The following RARB variants were observed in gnomAD, a reference collection of about 807,000 sequenced individuals.
RARB encodes HBV-activated protein.
RARB carries 17 observed loss-of-function variants against 51.9 expected under a neutral mutation model. The observed-to-expected ratio is 0.33, with a 90% confidence interval of 0.22 to 0.49. The LOEUF is 0.49. Among genes scored for constraint, RARB ranks in the 20% least tolerant of loss-of-function variants. The pLI, the probability that RARB is intolerant of heterozygous loss-of-function variation, is 0.99. For missense variants in RARB, 369 were observed against 550.8 expected (o/e 0.67, Z 3.30); for synonymous variants, 215 against 195.4 (o/e 1.10, Z -0.84).
intron 3 of RARB, among the ~76,000 whole-genome samples, chr3:25,077,336 G>GA (rs1203346027): frequency 2.0e-5 from 3 of 152,098 alleles, no homozygotes; most frequent in African/African-American, 7.2e-5. Context: ...CCTCTGGATG[G>GA]AAGGTTCTCT....
chr3:25,098,989 G>A (rs183529561), intron 3 of RARB, among the ~76,000 whole-genome samples: 2 of 152,278 alleles, frequency 1.3e-5, no homozygotes, highest in East Asian at 3.9e-4. Flanking sequence ...TTGAGTGGCT[G>A]TAGTATCAAC....
intron 5 of RARB, among the ~76,000 whole-genome samples, chr3:25,255,409 G>C (rs553643678): frequency 1.3e-5 from 2 of 152,210 alleles, no homozygotes; most frequent in South Asian, 4.2e-4. Flanking sequence ...TATCTGCTTT[G>C]TGTCACTTTT....
chr3:25,309,387 C>T (rs1423270349), intron 5 of RARB, among the ~76,000 whole-genome samples: 1 of 150,858 alleles, frequency 6.6e-6, no homozygotes, highest in African/African-American at 2.4e-5. Flanking sequence ...GATCCACCTG[C>T]CTTGGCTTCC....
chr3:25,175,931 C>A (rs1448008306), intron 5 of RARB, among the ~76,000 whole-genome samples: 1 of 152,114 alleles, frequency 6.6e-6, no homozygotes, highest in Non-Finnish European at 1.5e-5. Context: ...ATCTTGCTGA[C>A]CCAAGTGCTG....
At chr3:25,530,855 A>G (rs139035290) in intron 3 of RARB, among the ~76,000 whole-genome samples, 4 of 152,360 alleles carry the variant, frequency 2.6e-5, no homozygotes, top group Non-Finnish European at 5.9e-5. Flanking sequence ...AAGAACTAAA[A>G]AAATTATCCA....
chr3:25,026,745 C>T lies in RARB; in HGVS notation c.-379-33380C>T, dbSNP rs537458037. Among the ~76,000 whole-genome samples the T allele has an allele frequency of 1.7e-4, 26 of 152,270 alleles. No homozygotes were observed. The East Asian group carries it at 3.5e-3, about 20-fold the overall frequency. ...GTATCTCTATGGAGAGAAAAAAATA[C>T]TATTTGTAGCATTTGCCCAATTTTT... On this transcript the variant is annotated intron_variant, in intron 2 of 11. Coordinates refer to the RARB transcript ENST00000383772.
chr3:25,307,575 C>G (rs995412032), intron 5 of RARB, among the ~76,000 whole-genome samples: 1 of 152,084 alleles, frequency 6.6e-6, no homozygotes, highest in African/African-American at 2.4e-5. Flanking sequence ...TCTTCATTTC[C>G]TCCTTTGTAT....
At chr3:25,016,851 C>T (rs761187706) in intron 2 of RARB, among the ~76,000 whole-genome samples, 52 of 152,114 alleles carry the variant, frequency 3.4e-4, no homozygotes, top group Admixed American at 1.0e-3. Flanking sequence ...GAACAAACAC[C>T]GGTAAAAGCT....
At chr3:24,842,676 G>A (rs555523052) in intron 1 of RARB, among the ~76,000 whole-genome samples, 6 of 152,178 alleles carry the variant, frequency 3.9e-5, no homozygotes, top group Admixed American at 3.3e-4. Context: ...CCTCTCTTCA[G>A]TTCAGAGCCC....
intron 1 of RARB, among the ~76,000 whole-genome samples, chr3:25,433,845 A>G (rs1353008126): frequency 6.6e-6 from 1 of 152,098 alleles, no homozygotes; most frequent in Non-Finnish European, 1.5e-5. Flanking sequence ...CCACTCCCCA[A>G]ACCCCTTTAA....
At chr3:25,147,018 G>A (rs948845047) in intron 4 of RARB, among the ~76,000 whole-genome samples, 5 of 152,072 alleles carry the variant, frequency 3.3e-5, no homozygotes, top group African/African-American at 1.2e-4. Context: ...TCGAGGATGG[G>A]GCTCTAGTCA....
intron 1 of RARB, among the ~76,000 whole-genome samples, chr3:24,849,554 G>C (rs1702529327): frequency 6.6e-6 from 1 of 152,198 alleles, no homozygotes; most frequent in African/African-American, 2.4e-5. Flanking sequence ...GTGTGTTTCT[G>C]TTTAAAGACA....
intron 1 of RARB, among the ~76,000 whole-genome samples, chr3:25,449,963 G>A (rs1355485128): frequency 6.6e-6 from 1 of 151,898 alleles, no homozygotes; most frequent in Non-Finnish European, 1.5e-5. Flanking sequence ...CGTTGGCCAG[G>A]CTGGTCTCAA....
chr3:25,330,607 A>C (rs1424628606), intron 5 of RARB, among the ~76,000 whole-genome samples: 5 of 152,210 alleles, frequency 3.3e-5, no homozygotes, highest in African/African-American at 1.2e-4. Context: ...TGCATCAACT[A>C]ATGAGCAAAA....
intron 3 of RARB, among the ~76,000 whole-genome samples, chr3:25,107,283 G>A (rs942766883): frequency 2.0e-5 from 3 of 152,130 alleles, no homozygotes; most frequent in Non-Finnish European, 4.4e-5. Flanking sequence ...ATTGTGCTCT[G>A]TTTTCTTGTT....
At chr3:25,103,560 T>A (rs1699443963) in intron 3 of RARB, among the ~76,000 whole-genome samples, 3 of 152,324 alleles carry the variant, frequency 2.0e-5, no homozygotes, top group South Asian at 4.1e-4. Context: ...TTAGAAATCA[T>A]GAAAGTTTTG....
rs1553638411 is a variant in RARB at position 25,597,791 on chromosome 3, A to ATATT, written c.*1176_*1179dup. On this transcript the variant is annotated 3_prime_UTR_variant, in exon 8 of 8. Coordinates refer to ENST00000330688, the MANE Select transcript of RARB (RefSeq NM_000965.5). Reference sequence around the variant, plus strand: ...ACTAGTGGAATTTTTTTTTTTTGATATATTAGCAAGTCTGTGATGTACTTT... The same window carrying ATATT: ...ACTAGTGGAATTTTTTTTTTTTGATATATTTATTAGCAAGTCTGTGATGTACTTT... 3.3e-5 allele frequency: 5 copies of ATATT among 150,744 alleles called. No individual in the cohort carries two copies. The South Asian group carries it at 6.2e-4, about 19-fold the overall frequency. 9.3% of individuals were successfully genotyped at this position (150,744 alleles called of 1,614,324 possible).
At chr3:25,483,742 A>T (rs1696339779) in intron 2 of RARB, among the ~76,000 whole-genome samples, 1 of 152,154 alleles carries the variant, frequency 6.6e-6, no homozygotes, top group Non-Finnish European at 1.5e-5. Flanking sequence ...AGCAGCACAA[A>T]CTGTGTTCAT....
chr3:25,353,314 C>T (rs967292623), intron 5 of RARB, among the ~76,000 whole-genome samples: 2 of 152,124 alleles, frequency 1.3e-5, no homozygotes, highest in African/African-American at 4.8e-5. Context: ...TTTATATCAC[C>T]ATACTATAGA....
Sources: allele counts gnomAD v4.1 joint callset (sites outside exome capture counted in the v4.1 genomes callset), GRCh38; gene constraint gnomAD v4.1.1; transcripts MANE v1.5; gene names NCBI Gene and HGNC (gene_info 2026-07-23, HGNC 2026-07-21).